The following FBXO28 variants were observed in gnomAD, a reference collection of about 807,000 sequenced individuals.
FBXO28 encodes the protein F-box protein 28.
In FBXO28, 8 loss-of-function variants were observed where a neutral mutation model predicts 38.1. That is an observed-to-expected ratio of 0.21 (90% confidence interval 0.12 to 0.38). FBXO28 has a LOEUF of 0.38. Ranked by LOEUF, FBXO28 falls within the 10% of genes least tolerant of loss-of-function variation. The probability of loss-of-function intolerance (pLI) is 1.00; values close to 1 mark genes in which losing one functional copy is unlikely to be tolerated. For missense variants in FBXO28, 345 were observed against 460.6 expected, an observed-to-expected ratio of 0.75 and a Z score of 2.30; for synonymous variants, 168 against 173.8, an observed-to-expected ratio of 0.97 and a Z score of 0.26.
chr1:224,127,354 T>C (rs1656931655), intron 1 of FBXO28, among the ~76,000 whole-genome samples: 1 of 152,094 alleles, frequency 6.6e-6, no homozygotes. Flanking sequence ...TTTTCTGAGG[T>C]AAGAATACCT....
chr1:224,130,684 A>G (rs1350720057), intron 2 of FBXO28, 103 bp downstream of exon 2: 1 of 686,636 alleles, frequency 1.5e-6, no homozygotes, highest in Non-Finnish European at 2.5e-6. Context: ...CCAAGTTTTT[A>G]TAGCAAAGGG....
At chr1:224,130,231 A>G (rs1657004311) in intron 1 of FBXO28, among the ~76,000 whole-genome samples, 1 of 151,930 alleles carries the variant, frequency 6.6e-6, no homozygotes. Context: ...ATTTCCAGCT[A>G]CTGGGGAGGC....
At chr1:224,119,444 T>C (rs1029999161) in intron 1 of FBXO28, among the ~76,000 whole-genome samples, 1 of 151,892 alleles carries the variant, frequency 6.6e-6, no homozygotes, top group Non-Finnish European at 1.5e-5. Flanking sequence ...GCCCCACTGA[T>C]TTTTTCTTGT....
intron 4 of FBXO28, among the ~76,000 whole-genome samples, chr1:224,155,834 G>A (rs1263478888): frequency 6.6e-6 from 1 of 152,176 alleles, no homozygotes; most frequent in Non-Finnish European, 1.5e-5. Context: ...GTAATACGTG[G>A]TGTCTGCTCT....
rs1558190706 is a variant in FBXO28 at position 224,134,232 on chromosome 1, C to G, written c.516+20C>G. 6.2e-7 allele frequency: 1 copy of G among 1,610,048 alleles called. No homozygotes were observed. ...GGAAAGGTAAAATAGAATTGCTTGC[C>G]TAGAACAGCTGGACTGCCCTACATA... is the stretch of plus-strand genomic sequence containing the variant. On this transcript the variant is annotated intron_variant, in intron 3 of 4. Coordinates refer to ENST00000366862, the MANE Select transcript of FBXO28 (RefSeq NM_015176.4).
At chr1:224,147,464 C>A (rs1248889443) in intron 3 of FBXO28, among the ~76,000 whole-genome samples, 3 of 151,362 alleles carry the variant, frequency 2.0e-5, no homozygotes, top group Non-Finnish European at 2.9e-5. Context: ...AAAACCACAG[C>A]TGTTTTTAAA....
rs1306921255 is a variant in FBXO28, at chr1:224,160,711, T to C, written c.*2965T>C. 2 of 152,368 alleles carry C rather than the reference T, an allele frequency of 1.3e-5. No homozygotes were observed. The highest frequency in any genetic ancestry group is 3.8e-4 in the East Asian group (2 of 5,196). The allele number at this position is 152,368 out of a possible 1,614,324, so 9.4% of individuals were successfully genotyped here. A position where few individuals can be genotyped will look rare whatever the true frequency, so the allele number is the denominator to read the frequency against. ...GGGGTACCATCAGGTCAAAAGCCAC[T>C]GATTTGGGAAGCAATTTTTTTGCAA... On this transcript the variant is annotated 3_prime_UTR_variant, in exon 5 of 5. Transcript: ENST00000366862.
intron 3 of FBXO28, among the ~76,000 whole-genome samples, chr1:224,136,841 A>G (rs1015523839): frequency 6.6e-6 from 1 of 151,162 alleles, no homozygotes; most frequent in Non-Finnish European, 1.5e-5. Flanking sequence ...AACCTCTGCC[A>G]CCCAGGTTTA....
intron 1 of FBXO28, 109 bp downstream of exon 1, chr1:224,114,505 T>G: frequency 3.1e-6 from 3 of 977,890 alleles, no homozygotes; most frequent in Non-Finnish European, 3.0e-6. Context: ...CCCAGCCGGC[T>G]ACAGATCTGG....
intron 4 of FBXO28, 70 bp from the exon 5 acceptor site, chr1:224,157,281 TA>T: frequency 6.7e-7 from 1 of 1,496,344 alleles, no homozygotes; most frequent in Non-Finnish European, 8.9e-7. Context: ...ATTCCATTTT[TA>T]AATAAGTGTA....
chr1:224,128,560 G>T (rs1269887280), intron 1 of FBXO28, among the ~76,000 whole-genome samples: 3 of 152,154 alleles, frequency 2.0e-5, no homozygotes, highest in African/African-American at 7.2e-5. Flanking sequence ...TATCCTATGG[G>T]TTAGGTATTA....
intron 3 of FBXO28, among the ~76,000 whole-genome samples, chr1:224,142,360 A>G (rs1235000293): frequency 6.6e-6 from 1 of 151,716 alleles, no homozygotes; most frequent in Non-Finnish European, 1.5e-5. Flanking sequence ...TCAAAAAAAA[A>G]AAATGGGGGG....
At position 224,157,808 on chromosome 1, in the gene FBXO28, A is replaced by C; in HGVS notation, c.*62A>C. On this transcript the variant is annotated 3_prime_UTR_variant, in exon 5 of 5. Transcript: ENST00000366862. ...CTTAGTAGCTTAAGCAGTTATGCAT[A>C]TCAGGATACTGTGAGCAACATGGTG... The C allele has an allele frequency of 6.6e-7, 1 of 1,524,300 alleles. No homozygotes were observed. Among genetic ancestry groups the C allele is most frequent in the Non-Finnish European group, 8.8e-7 (1 of 1,141,452 alleles). The allele number at this position is 1,524,300 out of a possible 1,614,324, so 94.4% of individuals were successfully genotyped here. A position where few individuals can be genotyped will look rare whatever the true frequency, so the allele number is the denominator to read the frequency against.
rs1486509441 is a variant in FBXO28, at chr1:224,114,294, G to A, written c.165G>A (p.Pro55=). 2 of 1,561,952 alleles carry A rather than the reference G, an allele frequency of 1.3e-6. No individual in the cohort carries two copies. The highest frequency in any genetic ancestry group is 1.7e-6 in the Non-Finnish European group (2 of 1,153,098). Residue 55 remains proline, a synonymous_variant, in exon 1 of 5, where the codon CCG becomes CCA. Transcript: ENST00000366862. Reference sequence around the variant, plus strand: ...CGCTCCCAGCCCCCGCGCTGGCTCCGGACCAGCTGCCTCAAAACAACACGC... The same window carrying A: ...CGCTCCCAGCCCCCGCGCTGGCTCCAGACCAGCTGCCTCAAAACAACACGC... ...SQALPAPALA[P]DQLPQNNTLV...
At chr1:224,122,511 C>T (rs555073013) in intron 1 of FBXO28, among the ~76,000 whole-genome samples, 176 of 152,010 alleles carry the variant, frequency 1.2e-3, no homozygotes, top group Non-Finnish European at 2.2e-3. Context: ...CTCTTTGAGG[C>T]GGGTTTATTC....
chr1:224,131,988 C>T (rs1657058770), intron 2 of FBXO28, among the ~76,000 whole-genome samples: 1 of 152,164 alleles, frequency 6.6e-6, no homozygotes, highest in African/African-American at 2.4e-5. Flanking sequence ...TGCAGTGGCT[C>T]ACACCTGTAA....
In FBXO28 at chr1:224,114,267, G is replaced by T; in HGVS notation, c.138G>T (p.Gln46His). 6.4e-7 allele frequency: 1 copy of T among 1,556,014 alleles called. No homozygotes were observed. The highest frequency in any genetic ancestry group is 1.2e-5 in the South Asian group (1 of 84,536). Reference protein sequence around the residue: ...PAPQHPQPGSQALPAPALAPD... With the variant: ...PAPQHPQPGSHALPAPALAPD... ...CACAGCACCCGCAGCCGGGGTCCCA[G>T]GCGCTCCCAGCCCCCGCGCTGGCTC... The change falls in exon 1 of 5, where the codon CAG becomes CAT. Residue 46 changes from glutamine (Q) to histidine (H), a missense_variant. Gln to His is a conservative substitution (Grantham distance 24). This residue lies in a region of FBXO28 where 104 missense variants were observed against 82.0 expected (regional missense o/e 1.27). Transcript: ENST00000366862.
intron 3 of FBXO28, among the ~76,000 whole-genome samples, chr1:224,149,454 G>C (rs1335146865): frequency 1.3e-5 from 2 of 152,182 alleles, no homozygotes; most frequent in Non-Finnish European, 2.9e-5. Context: ...GCCTCCCAAA[G>C]TGCTGGCACC....
In FBXO28 at chr1:224,160,233, A is replaced by G. The variant is rs931313599; in HGVS notation, c.*2487A>G. 3 of 152,242 alleles carry G rather than the reference A, an allele frequency of 2.0e-5. No individual in the cohort carries two copies. Among genetic ancestry groups the G allele is most frequent in the Non-Finnish European group, 4.4e-5 (3 of 68,042 alleles). 9.4% of individuals were successfully genotyped at this position (152,242 alleles called of 1,614,324 possible). ...ATTATTATGATCAGCTAGAACTGAC[A>G]TATGTTACAAGAAAACTGTAAATTA... On this transcript the variant is annotated 3_prime_UTR_variant, in exon 5 of 5. Coordinates refer to ENST00000366862, the MANE Select transcript of FBXO28 (RefSeq NM_015176.4).
Sources: allele counts gnomAD v4.1 joint callset (sites outside exome capture counted in the v4.1 genomes callset), GRCh38; gene constraint gnomAD v4.1.1; regional missense constraint gnomAD v4.1.1; transcripts MANE v1.5; gene names NCBI Gene and HGNC (gene_info 2026-07-23, HGNC 2026-07-21).